Variants in GIT2 observed in about 807,000 individuals in gnomAD.
GIT2 encodes ARF GTPase-activating protein GIT2.
In GIT2, 32 loss-of-function variants were observed where a neutral mutation model predicts 100.3. That is an observed-to-expected ratio of 0.32 (90% CI 0.24 to 0.43). The LOEUF (loss-of-function observed/expected upper bound fraction) is 0.43. GIT2 is among the 20% of genes least tolerant of loss of function. GIT2 has a pLI of 1.00. For missense variants in GIT2, 737 were observed against 975.1 expected, an observed-to-expected ratio of 0.76 and a Z score of 3.25; for synonymous variants, 353 against 364.1, an observed-to-expected ratio of 0.97 and a Z score of 0.35.
In GIT2 at chr12:109,959,858, G is replaced by A. The variant is rs763631836; in HGVS notation, c.1088C>T (p.Ser363Leu). Residue 363 changes from serine to leucine, a missense_variant, in exon 12 of 20, where the codon TCG becomes TTG. By Grantham distance (145) the Ser-to-Leu change is moderately radical. Coordinates refer to ENST00000355312, the MANE Select transcript of GIT2 (RefSeq NM_057169.5). ...AKRRQQGSSL[S>L]GSKDNVELIL... Reference sequence around the variant, plus strand: ...GTTTGAGCAGTTACCTTTTGAACCCGAGAGAGAACTGCCCTGCTGTCTCCT... The same window carrying A: ...GTTTGAGCAGTTACCTTTTGAACCCAAGAGAGAACTGCCCTGCTGTCTCCT... 1.0e-5 allele frequency: 16 copies of A among 1,605,260 alleles called. No homozygotes were observed. The highest frequency in any genetic ancestry group is 4.0e-5 in the African/African-American group (3 of 74,688).
At chr12:109,980,616 C>T (rs553233725) in intron 7 of GIT2, among the ~76,000 whole-genome samples, 1 of 152,212 alleles carries the variant, frequency 6.6e-6, no homozygotes, top group East Asian at 1.9e-4. Flanking sequence ...TTTCAAATAA[C>T]TACAAAGGTT....
intron 13 of GIT2, chr12:109,952,810 A>T: frequency 2.0e-6 from 1 of 498,124 alleles, no homozygotes; most frequent in Non-Finnish European, 3.7e-6. Context: ...CAGGAAAGGG[A>T]CGAGGCCTCA....
rs201835878 is a variant in GIT2, at chr12:109,991,642, A to G, written c.171T>C (p.Pro57=). Residue 57 remains proline, a synonymous_variant, in exon 2 of 20, where the codon CCT becomes CCC. Transcript: ENST00000355312. ...TATCCTTTACCTGAAGCAGTGTTGGAGGCCACGGTGTGTGTTTCAGATGCC... is the reference window on the plus strand; with the variant it reads ...TATCCTTTACCTGAAGCAGTGTTGGGGGCCACGGTGTGTGTTTCAGATGCC... The part of the protein sequence containing the change: ...QVRHLKHTPW[P]PTLLQMVETL... The G allele has an allele frequency of 8.1e-6, 13 of 1,613,052 alleles. No homozygotes were observed. The highest frequency in any genetic ancestry group is 1.0e-5 in the Non-Finnish European group (12 of 1,179,152).
intron 7 of GIT2, among the ~76,000 whole-genome samples, chr12:109,971,875 T>G (rs1883960614): frequency 6.6e-6 from 1 of 151,676 alleles, no homozygotes; most frequent in Non-Finnish European, 1.5e-5. Context: ...GCACCTGTAA[T>G]CTCAGCTACA....
rs952406984 is a variant in GIT2, at chr12:109,948,399, C to T, written c.1393-895G>A. 37 of 998,426 alleles carry T rather than the reference C, an allele frequency of 3.7e-5. No individual in the cohort carries two copies. Among genetic ancestry groups the T allele is most frequent in the Non-Finnish European group, 4.4e-5 (37 of 838,778 alleles). The allele number at this position is 998,426 out of a possible 1,614,324, so 61.8% of individuals were successfully genotyped here. On this transcript the variant is annotated intron_variant, in intron 14 of 19. Transcript: ENST00000355312. The surrounding 1 kb of genome is among the most constrained non-coding windows in gnomAD (Gnocchi z 4.3). ...GCCTGGCACCACCCCATTTTAGAGA[C>T]TGTCACTTGGAGGCCCTGAATGCTC...
At chr12:109,994,117 T>C (rs569754923) in intron 1 of GIT2, among the ~76,000 whole-genome samples, 1 of 151,356 alleles carries the variant, frequency 6.6e-6, no homozygotes, top group East Asian at 1.9e-4. Flanking sequence ...GAAGCATAGC[T>C]TTGGTTTTCA....
In GIT2 at chr12:109,930,630, ACCG is replaced by A. The variant is rs1871484952; in HGVS notation, c.*2345_*2347del. The A allele has an allele frequency of 6.6e-6, 1 of 152,236 alleles. No individual in the cohort carries two copies. The highest frequency in any genetic ancestry group is 1.5e-5 in the Non-Finnish European group (1 of 68,070). 9.4% of individuals were successfully genotyped at this position (152,236 alleles called of 1,614,324 possible). ...TTTGGAGTTTTGGCACCGTGGGCTA[ACCG>A]AGCACTCTTCTGACATATTCTTACA... On this transcript the variant is annotated 3_prime_UTR_variant, in exon 20 of 20. Coordinates refer to ENST00000355312, the MANE Select transcript of GIT2 (RefSeq NM_057169.5).
rs1218254674 is a variant in GIT2, at chr12:109,929,816, C to T, written c.*3162G>A. 9 of 152,588 alleles carry T rather than the reference C, an allele frequency of 5.9e-5. No homozygotes were observed. The highest frequency in any genetic ancestry group is 2.2e-4 in the African/African-American group (9 of 41,438). 9.5% of individuals were successfully genotyped at this position (152,588 alleles called of 1,614,324 possible). A position where few individuals can be genotyped will look rare whatever the true frequency, so the allele number is the denominator to read the frequency against. On this transcript the variant is annotated 3_prime_UTR_variant, in exon 20 of 20. Transcript: ENST00000355312. Reference sequence around the variant, plus strand: ...ATTACCACAAAAACACTTGTAGAGCCTGTTTATTGCATAACTAGCAGGCAC... The same window carrying T: ...ATTACCACAAAAACACTTGTAGAGCTTGTTTATTGCATAACTAGCAGGCAC...
intron 7 of GIT2, among the ~76,000 whole-genome samples, chr12:109,979,178 A>C (rs1566001274): frequency 1.3e-5 from 2 of 152,076 alleles, no homozygotes; most frequent in African/African-American, 4.8e-5. Context: ...GAGAGATCAG[A>C]AAAAGGAAGG....
chr12:109,981,702 A>C (rs1886350043), intron 6 of GIT2: 1 of 152,288 alleles, frequency 6.6e-6, no homozygotes, highest in African/African-American at 2.4e-5. Context: ...GCTGCTTAGA[A>C]TCCTTTCAGC....
intron 10 of GIT2, 113 bp downstream of exon 10, chr12:109,961,500 C>T (rs901627443): frequency 9.7e-6 from 9 of 929,558 alleles, no homozygotes; most frequent in Admixed American, 8.6e-5. Context: ...AGGCAAACGT[C>T]GACACTCGCA....
chr12:109,953,331 A>T, intron 12 of GIT2, 97 bp from the exon 13 acceptor site: 1 of 1,184,110 alleles, frequency 8.4e-7, no homozygotes, highest in South Asian at 1.3e-5. Context: ...CATTTAAAGG[A>T]CTTAAAGGGC....
intron 18 of GIT2, among the ~76,000 whole-genome samples, chr12:109,936,977 G>A (rs16940707): frequency 0.026 from 3,917 of 152,262 alleles, 162 homozygotes; most frequent in African/African-American, 0.089. Context: ...AGCAAAGTGA[G>A]TGTGCTTGTA....
At chr12:109,999,840 C>T, upstream of GIT2, 2 of 1,436,516 alleles carry the variant, frequency 1.4e-6, no homozygotes, top group Non-Finnish European at 9.3e-7. The surrounding 1 kb of genome is among the most constrained non-coding windows in gnomAD (Gnocchi z 4.3). Flanking sequence ...AATCGGGGGT[C>T]GTTTCGCCTC....
chr12:109,937,164 C>G (rs1873273208), intron 18 of GIT2, among the ~76,000 whole-genome samples: 3 of 152,150 alleles, frequency 2.0e-5, no homozygotes, highest in African/African-American at 7.2e-5. Context: ...TTTCAATAAA[C>G]ATGGATTATT....
upstream of GIT2, chr12:109,998,145 T>C (rs1889707550): frequency 6.6e-6 from 1 of 152,204 alleles, no homozygotes; most frequent in South Asian, 2.1e-4. Flanking sequence ...GAATGAGAAG[T>C]GCTGGAAAAG....
chr12:109,965,774 C>T (rs535700249), intron 8 of GIT2, 197 bp from the exon 9 acceptor site: 2 of 729,398 alleles, frequency 2.7e-6, no homozygotes, highest in East Asian at 5.2e-5. Context: ...TTCTGAAATA[C>T]CACAATCATG....
At position 109,947,377 on chromosome 12, in the gene GIT2, G is replaced by A. The variant is rs1411330651; in HGVS notation, c.1520C>T (p.Ala507Val). The A allele has an allele frequency of 6.2e-7, 1 of 1,614,152 alleles. No individual in the cohort carries two copies. The highest frequency in any genetic ancestry group is 8.5e-7 in the Non-Finnish European group (1 of 1,179,988). ...CATGGACATGGGCCTACTGCCCCGG[G>A]CAGACGGACGTCTCTTTAAGGAAGA... ...NHSSLKRRPS[A>V]RGSRPMSMYE... is the part of the protein sequence containing the mutation. The change falls in exon 15 of 20, where the codon GCC becomes GTC. Residue 507 changes from alanine to valine, a missense_variant. Ala to Val is a moderately conservative substitution (Grantham distance 64). This residue lies in a region of GIT2 where 451 missense variants were observed against 543.7 expected (regional missense o/e 0.83). Coordinates refer to ENST00000355312, the MANE Select transcript of GIT2 (RefSeq NM_057169.5). The surrounding 1 kb of genome is among the most constrained non-coding windows in gnomAD (Gnocchi z 4.3).
chr12:109,996,117 G>C, intron 1 of GIT2, 56 bp downstream of exon 1: 1 of 1,161,274 alleles, frequency 8.6e-7, no homozygotes, highest in Non-Finnish European at 1.2e-6. Flanking sequence ...GCGGCCCCGG[G>C]GTAGGGGTCC....
Sources: allele counts gnomAD v4.1 joint callset (sites outside exome capture counted in the v4.1 genomes callset), GRCh38; gene constraint gnomAD v4.1.1; regional missense constraint gnomAD v4.1.1; non-coding constraint Gnocchi (gnomAD v3.1); transcripts MANE v1.5; gene names NCBI Gene and HGNC (gene_info 2026-07-23, HGNC 2026-07-21).